NSD1: variants seen among roughly 807,000 people sequenced by gnomAD.
NSD1 encodes histone-lysine N-methyltransferase, H3 lysine-36 specific.
In NSD1, 26 loss-of-function variants were observed where a neutral mutation model predicts 242.7. The ratio of observed to expected loss-of-function variants is 0.11; its 90% confidence interval spans 0.08 to 0.15. The LOEUF is 0.15. Among genes scored for constraint, NSD1 ranks in the 10% least tolerant of loss-of-function variants. The probability of loss-of-function intolerance (pLI) is 1.00; values close to 1 mark genes in which losing one functional copy is unlikely to be tolerated. For synonymous variants in NSD1, 1,106 were observed against 1,178.1 expected, an observed-to-expected ratio of 0.94 and a Z score of 1.25; for missense variants, 2,495 against 3,272.8, an observed-to-expected ratio of 0.76 and a Z score of 5.80.
In NSD1 at chr5:177,220,237, T is replaced by A. The variant is rs533890578; in HGVS notation, c.3796+8042T>A. Among the ~76,000 whole-genome samples the A allele has an allele frequency of 2.0e-5, 3 of 152,344 alleles. No homozygotes were observed. In the East Asian group the frequency reaches 5.8e-4, roughly 29 times the overall value. ...GTCTGATGTTAGGTGAATTACGTATTTGCAAGTGTTATAGCTTCCTGATGA... is the reference window on the plus strand; with the variant it reads ...GTCTGATGTTAGGTGAATTACGTATATGCAAGTGTTATAGCTTCCTGATGA... On this transcript the variant is annotated intron_variant, in intron 5 of 22. Transcript: ENST00000439151.
rs112500609 is a variant in NSD1 at position 177,211,434 on chromosome 5, G to A, written c.3035G>A (p.Arg1012His). ...GACCTCCCTGCTTCTGGTAAAAGTC[G>A]TTCAGACTGTGTTACTAGGCGCAAC... is the stretch of plus-strand genomic sequence containing the variant. ...KRDLPASGKS[R>H]SDCVTRRNCG... Residue 1012 changes from arginine to histidine, a missense_variant, in exon 5 of 23, where the codon CGT becomes CAT. This residue lies in a region of NSD1 where 426 missense variants were observed against 411.4 expected (regional missense o/e 1.04). Coordinates refer to ENST00000439151, the MANE Select transcript of NSD1 (RefSeq NM_022455.5). The A allele has an allele frequency of 8.1e-6, 13 of 1,614,008 alleles. No homozygotes were observed. The East Asian group carries it at 1.1e-4, about 14-fold the overall frequency.
intron 11 of NSD1, among the ~76,000 whole-genome samples, chr5:177,249,547 AG>A (rs1295294121): frequency 6.6e-6 from 1 of 152,006 alleles, no homozygotes; most frequent in African/African-American, 2.4e-5. Context: ...GCTCACTGCA[AG>A]CTCCGCCTCC....
chr5:177,134,090 G>C lies in NSD1; in HGVS notation c.-18+138G>C, dbSNP rs1177287343. On this transcript the variant is annotated intron_variant, in intron 1 of 22. Coordinates refer to ENST00000439151, the MANE Select transcript of NSD1 (RefSeq NM_022455.5). The surrounding 1 kb of genome is among the most constrained non-coding windows in gnomAD (Gnocchi z 4.2). The stretch of plus-strand genomic sequence containing the variant: ...CAGGCGCGATGCGGGGTTGGTGGCC[G>C]GCGGCGCTGCAGCCGCCGGCCTCCT... 2 of 150,988 alleles carry C rather than the reference G, an allele frequency of 1.3e-5. No homozygotes were observed. The highest frequency in any genetic ancestry group is 3.0e-5 in the Non-Finnish European group (2 of 67,594). 9.4% of individuals were successfully genotyped at this position (150,988 alleles called of 1,614,324 possible). A position where few individuals can be genotyped will look rare whatever the true frequency, so the allele number is the denominator to read the frequency against.
rs1395914226 is a variant in NSD1, at chr5:177,299,724, TTA to T, written c.*4267_*4268del. On this transcript the variant is annotated 3_prime_UTR_variant, in exon 23 of 23. Coordinates refer to ENST00000439151, the MANE Select transcript of NSD1 (RefSeq NM_022455.5). Reference sequence around the variant, plus strand: ...TTCCCATGGCTTTCAAAACATCAGGTTATTGTGGGGCTTCAGGTGTAAGGTCC... The same window carrying T: ...TTCCCATGGCTTTCAAAACATCAGGTTTGTGGGGCTTCAGGTGTAAGGTCC... 1 of 233,220 alleles carries T rather than the reference TTA, an allele frequency of 4.3e-6. No homozygotes were observed. Among genetic ancestry groups the T allele is most frequent in the Admixed American group, 5.6e-5 (1 of 17,780 alleles). 14.4% of individuals were successfully genotyped at this position (233,220 alleles called of 1,614,324 possible).
rs1216926598 is a variant in NSD1, at chr5:177,134,481, A to G, written c.-18+529A>G. Among the ~76,000 whole-genome samples the G allele has an allele frequency of 1.3e-5, 2 of 152,264 alleles. No homozygotes were observed. Among genetic ancestry groups the G allele is most frequent in the East Asian group, 1.9e-4 (1 of 5,170 alleles). ...CTCGGTTTCTCCCTCTGCCGGGTCCAGGCCTCTTCGCCCTGCAGCTGCGGA... is the reference window on the plus strand; with the variant it reads ...CTCGGTTTCTCCCTCTGCCGGGTCCGGGCCTCTTCGCCCTGCAGCTGCGGA... On this transcript the variant is annotated intron_variant, in intron 1 of 22. Coordinates refer to ENST00000439151, the MANE Select transcript of NSD1 (RefSeq NM_022455.5). The surrounding 1 kb of genome is among the most constrained non-coding windows in gnomAD (Gnocchi z 4.2).
intron 12 of NSD1, among the ~76,000 whole-genome samples, chr5:177,256,116 G>A (rs1756433905): frequency 6.6e-6 from 1 of 151,852 alleles, no homozygotes; most frequent in Admixed American, 6.6e-5. Context: ...TTTTTATTAT[G>A]TTTTGAATCA....
In NSD1 at chr5:177,210,461, A is replaced by G. The variant is rs1431786168; in HGVS notation, c.2062A>G (p.Arg688Gly). ...GAAAAATGAAAAGATAAAGTATTCT[A>G]GGTTTGCTGCCACAAACACTAGGGT... ...MQKNEKIKYSRFAATNTRVKA... is the reference protein window; with the variant it reads ...MQKNEKIKYSGFAATNTRVKA... Residue 688 changes from arginine to glycine, a missense_variant, in exon 5 of 23, where the codon AGG becomes GGG. By Grantham distance (125) the Arg-to-Gly change is moderately radical. Around this residue, in one of 19 missense-constraint regions of NSD1, gnomAD observed 515 missense variants for 467.0 expected, o/e 1.10. Coordinates refer to ENST00000439151, the MANE Select transcript of NSD1 (RefSeq NM_022455.5). The G allele has an allele frequency of 1.9e-6, 3 of 1,614,206 alleles. No homozygotes were observed. Among genetic ancestry groups the G allele is most frequent in the Non-Finnish European group, 2.5e-6 (3 of 1,180,026 alleles).
At chr5:177,181,687 A>G (rs1192375800) in intron 2 of NSD1, among the ~76,000 whole-genome samples, 13 of 151,130 alleles carry the variant, frequency 8.6e-5, no homozygotes, top group African/African-American at 2.7e-4. Flanking sequence ...TGGCCTCCCA[A>G]AGTGCTGGGA....
At chr5:177,287,215 A>G (rs917786236) in intron 20 of NSD1, among the ~76,000 whole-genome samples, 10 of 152,244 alleles carry the variant, frequency 6.6e-5, no homozygotes, top group African/African-American at 2.2e-4. Context: ...CTTACATAGT[A>G]TATGTTCAGT....
chr5:177,238,550 A>G lies in NSD1; in HGVS notation c.4192+43A>G. On this transcript the variant is annotated intron_variant, in intron 7 of 22. Coordinates refer to ENST00000439151, the MANE Select transcript of NSD1 (RefSeq NM_022455.5). The surrounding 1 kb of genome is among the most constrained non-coding windows in gnomAD (Gnocchi z 4.6). ...TCTCAGTATTTGAGCAGATATGATT[A>G]GAGGAAGCAGGAGATTTTAGTATGT... The G allele has an allele frequency of 1.9e-6, 3 of 1,601,196 alleles. No homozygotes were observed. Among genetic ancestry groups the G allele is most frequent in the Non-Finnish European group, 2.6e-6 (3 of 1,175,870 alleles).
At position 177,238,985 on chromosome 5, in the gene NSD1, A is replaced by AT. The variant is rs532652220; in HGVS notation, c.4192+480dup. On this transcript the variant is annotated intron_variant, in intron 7 of 22. Transcript: ENST00000439151. This position sits in a 1 kb window ranked among gnomAD's most constrained non-coding sequence, Gnocchi z 4.6. ...GTAATTACCAGTTCATTAGAAGTTA[A>AT]TTACCAGTTACTTCTCACTTGATCA... Among the ~76,000 whole-genome samples the AT allele has an allele frequency of 5.7e-3, 873 of 152,334 alleles. 11 individuals carry two copies. Among genetic ancestry groups the AT allele is most frequent in the African/African-American group, 0.02 (828 of 41,578 alleles).
At chr5:177,139,771 A>G (rs1362559872) in intron 2 of NSD1, among the ~76,000 whole-genome samples, 3 of 152,128 alleles carry the variant, frequency 2.0e-5, no homozygotes, top group Non-Finnish European at 2.9e-5. Flanking sequence ...ACTGGGCAAC[A>G]TAGTGAGATC....
At chr5:177,177,813 T>C (rs1216033448) in intron 2 of NSD1, among the ~76,000 whole-genome samples, 3 of 152,230 alleles carry the variant, frequency 2.0e-5, no homozygotes, top group Non-Finnish European at 2.9e-5. Flanking sequence ...AAATCTTTAT[T>C]TCTGTTAAGA....
intron 2 of NSD1, among the ~76,000 whole-genome samples, chr5:177,157,013 G>A (rs542307059): frequency 1.5e-4 from 23 of 152,136 alleles, no homozygotes; most frequent in East Asian, 5.8e-4. Flanking sequence ...AACTGCATTA[G>A]CAAGACTCCG....
At chr5:177,167,948 G>A (rs1759348697) in intron 2 of NSD1, among the ~76,000 whole-genome samples, 1 of 152,124 alleles carries the variant, frequency 6.6e-6, no homozygotes, top group African/African-American at 2.4e-5. Flanking sequence ...GTCCGGTATT[G>A]AATGAACCTA....
chr5:177,273,923 T>A (rs1758144790), intron 17 of NSD1, 139 bp downstream of exon 17: 1 of 639,498 alleles, frequency 1.6e-6, no homozygotes, highest in Non-Finnish European at 2.8e-6. Context: ...AGATCAGAAA[T>A]AGCCGGGCAC....
chr5:177,285,243 C>A (rs1399571090), intron 20 of NSD1, among the ~76,000 whole-genome samples: 2 of 152,052 alleles, frequency 1.3e-5, no homozygotes, highest in South Asian at 4.1e-4. Context: ...GCATGTAACA[C>A]CCTCCAAATT....
intron 2 of NSD1, among the ~76,000 whole-genome samples, chr5:177,173,985 G>A (rs1353229978): frequency 6.6e-6 from 1 of 152,204 alleles, no homozygotes; most frequent in African/African-American, 2.4e-5. Context: ...GCTTTGGTTA[G>A]TGGGAAGGAT....
intron 8 of NSD1, among the ~76,000 whole-genome samples, chr5:177,241,508 C>CAA (rs1284576458): frequency 1.4e-5 from 2 of 140,996 alleles, no homozygotes; most frequent in African/African-American, 2.6e-5. Flanking sequence ...CTCTCTCTCT[C>CAA]AAAAAAAAAA....
Sources: gnomAD v4.1 joint callset for allele counts (sites outside exome capture counted in the v4.1 genomes callset) on GRCh38, gnomAD v4.1.1 for gene constraint, gnomAD v4.1.1 regional missense constraint, Gnocchi (gnomAD v3.1) non-coding constraint, MANE v1.5 for transcripts, NCBI Gene and HGNC (gene_info 2026-07-23, HGNC 2026-07-21) for gene names.